The following PRRG1 variants were observed in gnomAD, a reference collection of about 807,000 sequenced individuals.
PRRG1 encodes the protein transmembrane gamma-carboxyglutamic acid protein 1.
In PRRG1, 5 loss-of-function variants were observed where a neutral mutation model predicts 11.8. That is an observed-to-expected ratio of 0.42 (90% CI 0.22 to 0.89). PRRG1 has a LOEUF of 0.89. Ranked by LOEUF, PRRG1 falls within the 40% of genes least tolerant of loss-of-function variation. The pLI is 0.28. For missense variants in PRRG1, 155 were observed against 166.1 expected (o/e 0.93, Z 0.37); for synonymous variants, 66 against 60.4 (o/e 1.09, Z -0.43).
chrX:37,374,435 T>C (rs868929161), intron 1 of PRRG1, among the ~76,000 whole-genome samples: 1 of 111,899 alleles, frequency 8.9e-6, no homozygotes, highest in Non-Finnish European at 1.9e-5. Flanking sequence ...TATATATTCA[T>C]TGCTATCATT....
At chrX:37,376,873 A>G (rs919087130) in intron 1 of PRRG1, among the ~76,000 whole-genome samples, 9 of 108,644 alleles carry the variant, frequency 8.3e-5, no homozygotes, top group Non-Finnish European at 1.5e-4. Flanking sequence ...AAATTTGAGT[A>G]GCTTTTCACA....
intron 3 of PRRG1, chrX:37,441,400 C>A (rs1932974242): frequency 1.6e-5 from 12 of 754,900 alleles, no homozygotes; most frequent in Non-Finnish European, 1.9e-5. Context: ...GAATGCATCC[C>A]TCCCCAGATA....
intron 1 of PRRG1, among the ~76,000 whole-genome samples, chrX:37,391,019 T>A (rs1366730809): frequency 2.7e-5 from 3 of 112,100 alleles, no homozygotes; most frequent in Non-Finnish European, 5.6e-5. Context: ...AAGGGCCTCC[T>A]GAGCATTCAA....
chrX:37,431,529 C>T (rs1373224899), intron 3 of PRRG1, among the ~76,000 whole-genome samples: 4 of 106,558 alleles, frequency 3.8e-5, no homozygotes, highest in Non-Finnish European at 7.6e-5. Context: ...TGCCTATTTT[C>T]TATTTATGTT....
chrX:37,363,040 G>C (rs1249730016), intron 1 of PRRG1, among the ~76,000 whole-genome samples: 2 of 111,487 alleles, frequency 1.8e-5, no homozygotes, highest in African/African-American at 6.5e-5. Context: ...GTAATAATAC[G>C]AATGACAACA....
intron 1 of PRRG1, among the ~76,000 whole-genome samples, chrX:37,381,631 T>G (rs1410201583): frequency 3.6e-5 from 4 of 111,629 alleles, no homozygotes; most frequent in African/African-American, 9.7e-5. Context: ...TATTGATCTT[T>G]CCCTTTGTCA....
At chrX:37,373,934 G>A (rs1930850096) in intron 1 of PRRG1, among the ~76,000 whole-genome samples, 1 of 111,236 alleles carries the variant, frequency 9.0e-6, no homozygotes, top group African/African-American at 3.3e-5. Flanking sequence ...CCTTTATTGT[G>A]TTAAGATACA....
chrX:37,441,164 C>CA, intron 3 of PRRG1: 1 of 846,726 alleles, frequency 1.2e-6, no homozygotes, highest in Non-Finnish European at 1.4e-6. Flanking sequence ...AAAATGTTAC[C>CA]AAAAATATCA....
At chrX:37,404,075 G>T (rs1556381320) in intron 1 of PRRG1, among the ~76,000 whole-genome samples, 1 of 111,601 alleles carries the variant, frequency 9.0e-6, no homozygotes, top group Admixed American at 9.5e-5. Context: ...TTCCTTTGTG[G>T]TTTTTCCTAA....
At chrX:37,371,607 G>T (rs1930763593) in intron 1 of PRRG1, among the ~76,000 whole-genome samples, 1 of 112,723 alleles carries the variant, frequency 8.9e-6, no homozygotes, top group South Asian at 3.7e-4. Flanking sequence ...CCTGTTTGAG[G>T]CGTTGCGGTT....
At chrX:37,425,635 T>G in intron 2 of PRRG1, 1 of 356,290 alleles carries the variant, frequency 2.8e-6, no homozygotes, top group Non-Finnish European at 4.9e-6. Flanking sequence ...TCACTGTCCC[T>G]GCCCAGGGCA....
At position 37,416,083 on chromosome X, in the gene PRRG1, T is replaced by C. The variant is rs1932486218; in HGVS notation, c.11-9757T>C. Among the ~76,000 whole-genome samples the C allele has an allele frequency of 2.7e-5, 3 of 112,345 alleles. No individual in the cohort carries two copies. In the Admixed American group the frequency reaches 2.8e-4, roughly 11 times the overall value. ...TCTTTCACCAGTGAAAAGTCATTTG[T>C]GAAATTCATGTTAGTGCTTACTAAC... is the stretch of plus-strand genomic sequence containing the variant. On this transcript the variant is annotated intron_variant, in intron 2 of 3. Transcript: ENST00000378628.
chrX:37,441,721 G>A (rs79095205), intron 3 of PRRG1: 60 of 790,104 alleles, frequency 7.6e-5, no homozygotes, highest in Non-Finnish European at 7.2e-5. Flanking sequence ...GAGGGAGCAC[G>A]TCCAGGAGCT....
chrX:37,372,243 T>C (rs1476855650), intron 1 of PRRG1, among the ~76,000 whole-genome samples: 2 of 112,340 alleles, frequency 1.8e-5, no homozygotes, highest in Admixed American at 9.4e-5. Flanking sequence ...TTTTTTTATA[T>C]ACTTGTAGAC....
rs962206541 is a variant in PRRG1, at chrX:37,374,416, C to T, written c.-42+25021C>T. ...TATTTATTCTGCTTTGAAATCATTT[C>T]GTATCTTGTATATATTCATTGCTAT... On this transcript the variant is annotated intron_variant, in intron 1 of 3. Coordinates refer to ENST00000378628, the MANE Select transcript of PRRG1 (RefSeq NM_001142395.2). 1.1e-4 allele frequency among the ~76,000 whole-genome samples: 12 copies of T among 111,471 alleles called. No homozygotes were observed. In the Admixed American group the frequency reaches 1.1e-3, roughly 11 times the overall value.
chrX:37,376,566 T>TATATATATATATATATATATATAC (rs1556372362), intron 1 of PRRG1, among the ~76,000 whole-genome samples: 1 of 78,637 alleles, frequency 1.3e-5, no homozygotes, highest in Non-Finnish European at 2.5e-5. Flanking sequence ...TATATATATA[T>TATATATATATATATATATATATAC]ATATATGTGC....
At chrX:37,420,659 C>T (rs1390744567) in intron 2 of PRRG1, among the ~76,000 whole-genome samples, 2 of 92,096 alleles carry the variant, frequency 2.2e-5, no homozygotes, top group African/African-American at 9.1e-5. Flanking sequence ...TGGAAAAACC[C>T]CGTCTATGCA....
At chrX:37,377,685 A>T (rs1455429936) in intron 1 of PRRG1, among the ~76,000 whole-genome samples, 1 of 111,778 alleles carries the variant, frequency 8.9e-6, no homozygotes, top group African/African-American at 3.2e-5. Context: ...TTTCACTAAA[A>T]CTAGGGATTT....
At chrX:37,414,189 C>G (rs184602253) in intron 2 of PRRG1, among the ~76,000 whole-genome samples, 78 of 111,511 alleles carry the variant, frequency 7.0e-4, no homozygotes, top group African/African-American at 2.4e-3. Flanking sequence ...GATCTTTGGC[C>G]CATTTTTATA....
Sources: gnomAD v4.1 joint callset for allele counts (sites outside exome capture counted in the v4.1 genomes callset) on GRCh38, gnomAD v4.1.1 for gene constraint, MANE v1.5 for transcripts, NCBI Gene and HGNC (gene_info 2026-07-23, HGNC 2026-07-21) for gene names.